ANK2: variants seen among roughly 807,000 people sequenced by gnomAD.
The protein encoded by ANK2 is ankyrin-2.
A neutral mutation model predicts 360.5 loss-of-function variants in ANK2; 83 were observed. The ratio of observed to expected loss-of-function variants is 0.23; its 90% confidence interval spans 0.19 to 0.28. ANK2 has a LOEUF of 0.28. ANK2 is among the 10% of genes least tolerant of loss of function. The pLI is 1.00. For missense variants in ANK2, 4,201 were observed against 4,795.7 expected (o/e 0.88, Z 3.66); for synonymous variants, 1,740 against 1,759.5 (o/e 0.99, Z 0.28).
intron 1 of ANK2, among the ~76,000 whole-genome samples, chr4:112,840,631 C>T (rs75751684): frequency 1.3e-3 from 205 of 152,172 alleles, no homozygotes; most frequent in Non-Finnish European, 2.3e-3. Context: ...CATTTAGGGA[C>T]GGAAAAATGC....
intron 13 of ANK2, among the ~76,000 whole-genome samples, chr4:113,264,154 C>A (rs2054578658): frequency 6.6e-6 from 1 of 152,120 alleles, no homozygotes; most frequent in South Asian, 2.1e-4. Context: ...ACCTCCTGGG[C>A]AAATCAAATT....
intron 1 of ANK2, among the ~76,000 whole-genome samples, chr4:113,062,648 T>G (rs188081778): frequency 6.6e-6 from 1 of 152,248 alleles, no homozygotes; most frequent in East Asian, 1.9e-4. Flanking sequence ...AATATATGGT[T>G]CCACATGGAC....
In ANK2 at chr4:113,336,560, G is replaced by C. The variant is rs773632945; in HGVS notation, c.3592-17G>C. On this transcript the variant is annotated splice_polypyrimidine_tract_variant and intron_variant, in intron 30 of 45. Coordinates refer to ENST00000357077, the MANE Select transcript of ANK2 (RefSeq NM_001148.6). ...TATATACACAAATATATATGTGTGT[G>C]TTTTTACTTTGAAAAGGCTCAACCT... The C allele has an allele frequency of 6.2e-7, 1 of 1,605,686 alleles. No homozygotes were observed. Among genetic ancestry groups the C allele is most frequent in the Non-Finnish European group, 8.5e-7 (1 of 1,173,238 alleles).
intron 4 of ANK2, among the ~76,000 whole-genome samples, chr4:113,206,480 T>A (rs2153434439): frequency 6.6e-6 from 1 of 152,262 alleles, no homozygotes; most frequent in South Asian, 2.1e-4. Context: ...AGGGTCTTGT[T>A]TTTTTTTCCA....
the ANK2 span, among the ~76,000 whole-genome samples, chr4:112,730,107 A>C: frequency 2.0e-5 from 3 of 151,618 alleles, no homozygotes; most frequent in African/African-American, 7.3e-5. Flanking sequence ...TGCAAAAATT[A>C]GCCAGGTGTG....
intron 1 of ANK2, among the ~76,000 whole-genome samples, chr4:113,171,716 A>T (rs1397503847): frequency 6.6e-6 from 1 of 152,198 alleles, no homozygotes; most frequent in African/African-American, 2.4e-5. Context: ...TATAACTTTG[A>T]CATGCATTCA....
At chr4:113,037,672 C>T (rs1283157421) in intron 2 of ANK2, among the ~76,000 whole-genome samples, 1 of 151,950 alleles carries the variant, frequency 6.6e-6, no homozygotes, top group Non-Finnish European at 1.5e-5. Context: ...GTCTGATTAT[C>T]AGCACATTAT....
chr4:113,375,375 A>T (rs2096888079), intron 45 of ANK2, among the ~76,000 whole-genome samples: 1 of 152,360 alleles, frequency 6.6e-6, no homozygotes, highest in Middle Eastern at 3.4e-3. Flanking sequence ...TTCCATGTCC[A>T]TAAATTTTAA....
chr4:112,937,782 T>C (rs2093879086), intron 2 of ANK2, among the ~76,000 whole-genome samples: 1 of 152,218 alleles, frequency 6.6e-6, no homozygotes, highest in Admixed American at 6.5e-5. Context: ...TTTTCAGTGG[T>C]ACAAGAGACC....
intron 4 of ANK2, among the ~76,000 whole-genome samples, chr4:113,222,497 A>G (rs1014704519): frequency 6.8e-6 from 1 of 147,444 alleles, no homozygotes; most frequent in African/African-American, 2.5e-5. Context: ...CCTTGGTTTC[A>G]GCAATTATCC....
chr4:112,709,124 A>T, the ANK2 span, among the ~76,000 whole-genome samples: 1 of 152,166 alleles, frequency 6.6e-6, no homozygotes, highest in South Asian at 2.1e-4. Context: ...CTTGTTAGGC[A>T]TTAGGTATTT....
chr4:113,361,374 G>A (rs964977750), intron 39 of ANK2, among the ~76,000 whole-genome samples: 1 of 152,028 alleles, frequency 6.6e-6, no homozygotes, highest in Non-Finnish European at 1.5e-5. Flanking sequence ...TTTGAGAAAT[G>A]AGAGTGTTTA....
At chr4:112,762,683 T>C in the ANK2 span, among the ~76,000 whole-genome samples, 9 of 152,158 alleles carry the variant, frequency 5.9e-5, no homozygotes, top group Middle Eastern at 3.2e-3. Flanking sequence ...CTAATTTTTG[T>C]ATTTTTGGTA....
upstream of ANK2, among the ~76,000 whole-genome samples, chr4:112,815,997 G>T (rs1030630816): frequency 1.3e-5 from 2 of 152,206 alleles, no homozygotes; most frequent in African/African-American, 4.8e-5. Context: ...CCTAAGGACG[G>T]AGTCAGTCGT....
intron 1 of ANK2, among the ~76,000 whole-genome samples, chr4:113,173,329 C>T (rs1250412421): frequency 2.6e-5 from 4 of 152,090 alleles, no homozygotes; most frequent in Non-Finnish European, 5.9e-5. Context: ...CCGAGTATGC[C>T]AAGAGGTTCT....
chr4:113,135,597 T>C (rs1272751891), intron 1 of ANK2, among the ~76,000 whole-genome samples: 1 of 151,768 alleles, frequency 6.6e-6, no homozygotes, highest in African/African-American at 2.4e-5. Context: ...AGAACAATAA[T>C]TATATTTCCC....
intron 9 of ANK2, among the ~76,000 whole-genome samples, chr4:113,243,732 A>G (rs1396595663): frequency 6.6e-6 from 1 of 152,204 alleles, no homozygotes; most frequent in East Asian, 1.9e-4. Flanking sequence ...AGTTTTGCAC[A>G]TTACTACATT....
intron 4 of ANK2, among the ~76,000 whole-genome samples, chr4:113,208,268 C>T (rs1320795223): frequency 6.6e-6 from 1 of 151,864 alleles, no homozygotes; most frequent in Admixed American, 6.5e-5. Flanking sequence ...TCATGATCTA[C>T]TCCATATAAG....
rs956171226 is a variant in ANK2 at position 113,002,050 on chromosome 4, T to G, written c.21+97536T>G. Among the ~76,000 whole-genome samples the G allele has an allele frequency of 2.6e-5, 4 of 152,060 alleles. No homozygotes were observed. In the East Asian group the frequency reaches 7.7e-4, roughly 29 times the overall value. On this transcript the variant is annotated intron_variant, in intron 2 of 30. Transcript: ENST00000503271. The stretch of plus-strand genomic sequence containing the variant: ...TTTATTATTATTATTTTACTTTAAG[T>G]TTTAGGGTACATGTGCACAATGTGC...
Sources: allele counts gnomAD v4.1 joint callset (sites outside exome capture counted in the v4.1 genomes callset), GRCh38; gene constraint gnomAD v4.1.1; transcripts MANE v1.5; gene names NCBI Gene and HGNC (gene_info 2026-07-23, HGNC 2026-07-21).